CHSY3: variants seen among roughly 807,000 people sequenced by gnomAD.
The protein encoded by CHSY3 is chondroitin sulfate synthase 3.
Under a neutral mutation model 67.2 loss-of-function variants are expected in CHSY3, and 35 were observed. That is an observed-to-expected ratio of 0.52 (90% CI 0.40 to 0.69). The LOEUF is 0.69. Ranked by LOEUF, CHSY3 falls within the 30% of genes least tolerant of loss-of-function variation. The pLI is 0.00. For missense variants in CHSY3, 1,069 were observed against 1,138.5 expected, an observed-to-expected ratio of 0.94 and a Z score of 0.88; for synonymous variants, 474 against 434.7, an observed-to-expected ratio of 1.09 and a Z score of -1.12.
intron 2 of CHSY3, among the ~76,000 whole-genome samples, chr5:130,167,188 T>G (rs1043232596): frequency 6.6e-6 from 1 of 152,018 alleles, no homozygotes; most frequent in African/African-American, 2.4e-5. Flanking sequence ...GATTACTACC[T>G]GGAGAGTTTT....
At chr5:130,146,984 G>C (rs1769093670) in intron 2 of CHSY3, among the ~76,000 whole-genome samples, 1 of 152,074 alleles carries the variant, frequency 6.6e-6, no homozygotes, top group Admixed American at 6.5e-5. Context: ...AGTAGAGACG[G>C]GGTTTCACCA....
chr5:129,911,014 A>G (rs1760524743), intron 2 of CHSY3, among the ~76,000 whole-genome samples: 1 of 151,226 alleles, frequency 6.6e-6, no homozygotes, highest in Non-Finnish European at 1.5e-5. Flanking sequence ...CCTCCTAACA[A>G]AAGTTCTTTC....
chr5:130,077,497 G>A (rs1010688040), intron 2 of CHSY3, among the ~76,000 whole-genome samples: 2 of 152,084 alleles, frequency 1.3e-5, no homozygotes, highest in African/African-American at 4.8e-5. Context: ...TTATGGAGAC[G>A]TTGGACCGCT....
intron 2 of CHSY3, among the ~76,000 whole-genome samples, chr5:129,917,429 A>G (rs1326946544): frequency 6.6e-6 from 1 of 152,356 alleles, no homozygotes; most frequent in East Asian, 1.9e-4. Flanking sequence ...AAACGAGTCA[A>G]TGCAAATAGC....
At position 129,941,077 on chromosome 5, in the gene CHSY3, C is replaced by T. The variant is rs536143639; in HGVS notation, c.1086+32717C>T. On this transcript the variant is annotated intron_variant, in intron 2 of 2. Transcript: ENST00000305031. Reference sequence around the variant, plus strand: ...CTACAAAAAAAATACAAAAATTAGCCGAGCATGGTAGCACAGAGCTGTGAT... The same window carrying T: ...CTACAAAAAAAATACAAAAATTAGCTGAGCATGGTAGCACAGAGCTGTGAT... Among the ~76,000 whole-genome samples the T allele has an allele frequency of 6.6e-5, 10 of 152,078 alleles. No homozygotes were observed. In the East Asian group the frequency reaches 1.2e-3, roughly 18 times the overall value.
chr5:130,074,361 G>A (rs1312550739), intron 2 of CHSY3, among the ~76,000 whole-genome samples: 1 of 152,170 alleles, frequency 6.6e-6, no homozygotes, highest in African/African-American at 2.4e-5. Flanking sequence ...ATGAGCCACA[G>A]TGCCTGGCCA....
chr5:130,066,059 C>A (rs1765875426), intron 2 of CHSY3, among the ~76,000 whole-genome samples: 1 of 152,044 alleles, frequency 6.6e-6, no homozygotes, highest in African/African-American at 2.4e-5. Context: ...TACATCAACA[C>A]AAAAAGCCAT....
chr5:130,067,443 A>C (rs72795755), intron 2 of CHSY3, among the ~76,000 whole-genome samples: 6,379 of 152,234 alleles, frequency 0.042, 188 homozygotes, highest in Non-Finnish European at 0.06. Context: ...TGAAGTAATG[A>C]AATTTTGTTT....
chr5:130,065,157 G>GGT (rs903286072), intron 2 of CHSY3, among the ~76,000 whole-genome samples: 4 of 151,944 alleles, frequency 2.6e-5, no homozygotes, highest in African/African-American at 9.7e-5. Context: ...GTTTTTTTAT[G>GGT]GTGGTTGTTT....
chr5:130,163,433 A>G (rs369031576), intron 2 of CHSY3, among the ~76,000 whole-genome samples: 12 of 152,300 alleles, frequency 7.9e-5, no homozygotes, highest in African/African-American at 2.9e-4. Context: ...CAAATGACAT[A>G]TGCCAGACCC....
chr5:130,023,340 T>C (rs987599731), intron 2 of CHSY3, among the ~76,000 whole-genome samples: 1 of 152,018 alleles, frequency 6.6e-6, no homozygotes, highest in African/African-American at 2.4e-5. Context: ...CTCCAGAAAT[T>C]ACATAAGGAA....
At chr5:130,140,984 C>G (rs1768847194) in intron 2 of CHSY3, 1 of 576,180 alleles carries the variant, frequency 1.7e-6, no homozygotes, top group Admixed American at 5.8e-5. Context: ...AGAGAAGGCC[C>G]TTGGAAATGC....
chr5:130,009,439 A>C (rs1483502603), intron 2 of CHSY3, among the ~76,000 whole-genome samples: 1 of 152,024 alleles, frequency 6.6e-6, no homozygotes, highest in Non-Finnish European at 1.5e-5. Context: ...TTACCACTAG[A>C]CCTGCCTTTG....
intron 2 of CHSY3, among the ~76,000 whole-genome samples, chr5:130,098,622 T>C (rs577097869): frequency 6.6e-6 from 1 of 152,330 alleles, no homozygotes; most frequent in Admixed American, 6.5e-5. Flanking sequence ...TTAAGCAAAT[T>C]ACTCACTACT....
rs1294690999 is a variant in CHSY3, at chr5:129,932,132, A to G, written c.1086+23772A>G. 6.5e-3 allele frequency among the ~76,000 whole-genome samples: 591 copies of G among 90,948 alleles called. 12 individuals are homozygous for G. Among genetic ancestry groups the G allele is most frequent in the African/African-American group, 0.02 (561 of 27,984 alleles). The allele number at this position is 90,948 out of a possible 152,430, so 59.7% of individuals were successfully genotyped here. A position where few individuals can be genotyped will look rare whatever the true frequency, so the allele number is the denominator to read the frequency against. On this transcript the variant is annotated intron_variant, in intron 2 of 2. Coordinates refer to ENST00000305031, the MANE Select transcript of CHSY3 (RefSeq NM_175856.5). Reference sequence around the variant, plus strand: ...TATATATATATATATATATATATATATATATATATATGTATATGAGAGTTA... The same window carrying G: ...TATATATATATATATATATATATATGTATATATATATGTATATGAGAGTTA...
chr5:130,106,002 T>G (rs1426372271), intron 2 of CHSY3, among the ~76,000 whole-genome samples: 1 of 151,650 alleles, frequency 6.6e-6, no homozygotes, highest in African/African-American at 2.4e-5. Flanking sequence ...TTTTGGTTTT[T>G]GTTTCAGATA....
intron 2 of CHSY3, among the ~76,000 whole-genome samples, chr5:130,110,402 C>G (rs181783215): frequency 1.2e-4 from 18 of 152,046 alleles, no homozygotes; most frequent in Admixed American, 7.2e-4. Flanking sequence ...TTCATAATAA[C>G]ACACAGGCAG....
intron 2 of CHSY3, among the ~76,000 whole-genome samples, chr5:130,020,522 C>A (rs1421531840): frequency 7.2e-6 from 1 of 138,192 alleles, no homozygotes; most frequent in East Asian, 2.2e-4. Flanking sequence ...TTTAAACTCT[C>A]TGTTGCTTGA....
At chr5:129,982,096 G>C (rs1763035575) in intron 2 of CHSY3, among the ~76,000 whole-genome samples, 1 of 151,940 alleles carries the variant, frequency 6.6e-6, no homozygotes, top group South Asian at 2.1e-4. Context: ...ACTTTGATTT[G>C]CTGGCTTGTC....
Sources: allele counts gnomAD v4.1 joint callset (sites outside exome capture counted in the v4.1 genomes callset), GRCh38; gene constraint gnomAD v4.1.1; transcripts MANE v1.5; gene names NCBI Gene and HGNC (gene_info 2026-07-23, HGNC 2026-07-21).